CHEK2: variants seen among roughly 807,000 people sequenced by gnomAD.
CHEK2 encodes serine/threonine-protein kinase Chk2.
Under a neutral mutation model 69.1 loss-of-function variants are expected in CHEK2, and 71 were observed. The ratio of observed to expected loss-of-function variants is 1.03; its 90% CI spans 0.85 to 1.25. The LOEUF (loss-of-function observed/expected upper bound fraction) is 1.25. Ranked by LOEUF, CHEK2 falls within the 50% of genes most tolerant of loss-of-function variation. The pLI, the probability that CHEK2 is intolerant of heterozygous loss-of-function variation, is 0.00. For missense variants in CHEK2, 664 were observed against 649.6 expected, an observed-to-expected ratio of 1.02 and a Z score of -0.24; for synonymous variants, 189 against 226.9, an observed-to-expected ratio of 0.83 and a Z score of 1.50.
intron 8 of CHEK2, among the ~76,000 whole-genome samples, chr22:28,702,135 C>CTGTGTGTG (rs141703411): frequency 0.096 from 13,468 of 140,224 alleles, 730 homozygotes; most frequent in East Asian, 0.12. Flanking sequence ...GTGTGTGTGT[C>CTGTGTGTG]TGTGTGTGTG....
intron 5 of CHEK2, among the ~76,000 whole-genome samples, chr22:28,717,684 G>A (rs1410429183): frequency 6.6e-6 from 1 of 152,084 alleles, no homozygotes; most frequent in Non-Finnish European, 1.5e-5. Context: ...AGACCAGCCA[G>A]GCCAACATGG....
intron 10 of CHEK2, 48 bp downstream of exon 10, chr22:28,696,853 G>T: frequency 1.6e-6 from 2 of 1,266,366 alleles, no homozygotes; most frequent in South Asian, 1.2e-5. Flanking sequence ...AAAAGTTTCT[G>T]AACAAGAATC....
At chr22:28,705,814 T>G (rs982296597) in intron 7 of CHEK2, among the ~76,000 whole-genome samples, 3 of 151,440 alleles carry the variant, frequency 2.0e-5, no homozygotes, top group African/African-American at 7.3e-5. Context: ...TAATCCGAGC[T>G]ACTTGGGAGG....
chr22:28,731,724 T>G lies in CHEK2; in HGVS notation c.319+2679A>C, dbSNP rs867385825. 4.6e-5 allele frequency among the ~76,000 whole-genome samples: 7 copies of G among 152,262 alleles called. No individual in the cohort carries two copies. The Middle Eastern group carries it at 0.017, about 370-fold the overall frequency. On this transcript the variant is annotated intron_variant, in intron 2 of 14. Transcript: ENST00000404276. Reference sequence around the variant, plus strand: ...TTTCCTTTTTGTGGAGAATGGGGTCTCGCTATATTGCCCAGCAGGTCTCAA... The same window carrying G: ...TTTCCTTTTTGTGGAGAATGGGGTCGCGCTATATTGCCCAGCAGGTCTCAA...
At chr22:28,707,001 C>T (rs1307936171) in intron 7 of CHEK2, among the ~76,000 whole-genome samples, 1 of 152,150 alleles carries the variant, frequency 6.6e-6, no homozygotes, top group East Asian at 1.9e-4. Context: ...AAGGGAACTG[C>T]TTGGTTCTGG....
At chr22:28,699,655 C>A in intron 9 of CHEK2, 183 bp downstream of exon 9, 1 of 622,684 alleles carries the variant, frequency 1.6e-6, no homozygotes, top group South Asian at 1.8e-5. Context: ...AACCACCGCG[C>A]CTCGCCAGTG....
intron 13 of CHEK2, among the ~76,000 whole-genome samples, chr22:28,691,297 T>C (rs372031244): frequency 1.3e-5 from 2 of 152,018 alleles, no homozygotes; most frequent in African/African-American, 4.8e-5. Flanking sequence ...CTGACCAACA[T>C]GGTGAAACCC....
chr22:28,725,603 G>A (rs148236856), intron 2 of CHEK2, among the ~76,000 whole-genome samples: 9 of 152,304 alleles, frequency 5.9e-5, no homozygotes, highest in Admixed American at 3.9e-4. Context: ...GCTCACACCT[G>A]TAATCTCAGC....
At chr22:28,700,307 G>T (rs1251196303) in intron 8 of CHEK2, among the ~76,000 whole-genome samples, 1 of 151,568 alleles carries the variant, frequency 6.6e-6, no homozygotes, top group Non-Finnish European at 1.5e-5. Flanking sequence ...CGCTTCCCAG[G>T]TTCAAGTGAT....
chr22:28,738,014 T>G lies in CHEK2; in HGVS notation c.-6-3287A>C, dbSNP rs545068493. ...TGAGCCCAGGAATTCAAGACCAGCC[T>G]GGGCACCATGGTGAAATCCAGTATC... On this transcript the variant is annotated intron_variant, in intron 1 of 14. Coordinates refer to ENST00000404276, the MANE Select transcript of CHEK2 (RefSeq NM_007194.4). The G allele has an allele frequency of 9.0e-4, 137 of 152,396 alleles. 1 individual carries two copies. Among genetic ancestry groups the G allele is most frequent in the Middle Eastern group, 3.4e-3 (1 of 296 alleles). The allele number at this position is 152,396 out of a possible 1,614,324, so 9.4% of individuals were successfully genotyped here. A position where few individuals can be genotyped will look rare whatever the true frequency, so the allele number is the denominator to read the frequency against.
intron 7 of CHEK2, among the ~76,000 whole-genome samples, chr22:28,703,850 A>G (rs2052998184): frequency 6.6e-6 from 1 of 152,168 alleles, no homozygotes; most frequent in Non-Finnish European, 1.5e-5. Context: ...GTCTCTTCCC[A>G]GTCTTCTTCC....
rs398040472 is a variant in CHEK2, at chr22:28,698,228, TAAAA to T, written c.1009-1245_1009-1242del. Among the ~76,000 whole-genome samples the T allele has an allele frequency of 2.1e-4, 17 of 81,898 alleles. No individual in the cohort carries two copies. In the South Asian group the frequency reaches 0.011, roughly 52 times the overall value. The allele number at this position is 81,898 out of a possible 152,430, so 53.7% of individuals were successfully genotyped here. ...CAACATGGTGAAACCCTATCTTTAC[TAAAA>T]AAAAAAAAAAAAAAATTAGCTGGAC... On this transcript the variant is annotated intron_variant, in intron 9 of 14. Transcript: ENST00000404276.
At chr22:28,708,638 G>C (rs1280367696) in intron 7 of CHEK2, among the ~76,000 whole-genome samples, 1 of 152,016 alleles carries the variant, frequency 6.6e-6, no homozygotes. Flanking sequence ...TAGAAAAAGA[G>C]AGAAGAAACC....
intron 5 of CHEK2, among the ~76,000 whole-genome samples, chr22:28,714,935 G>A (rs1440442598): frequency 6.6e-6 from 1 of 152,168 alleles, no homozygotes; most frequent in Non-Finnish European, 1.5e-5. Context: ...AGTCCGTGCA[G>A]CTCTAGCTGG....
intron 4 of CHEK2, among the ~76,000 whole-genome samples, chr22:28,722,396 C>T (rs993779555): frequency 7.2e-5 from 11 of 151,756 alleles, no homozygotes; most frequent in East Asian, 1.9e-4. Context: ...AAAAATTAGC[C>T]GGGCGCAGTG....
Position 28,694,987 on chromosome 22 carries a change from C to G in CHEK2, c.1375+140G>C, listed in dbSNP as rs17886236. On this transcript the variant is annotated intron_variant, in intron 12 of 14. Transcript: ENST00000404276. ...ATGCTCTTAATAATTTCCAGTGCCT[C>G]TCAAATGGTGTGAAACTAACAATAG... 1,867 of 657,510 alleles carry G rather than the reference C, an allele frequency of 2.8e-3. 45 individuals carry two copies. The East Asian group carries it at 0.043, about 15-fold the overall frequency. 40.7% of individuals were successfully genotyped at this position (657,510 alleles called of 1,614,324 possible). A position where few individuals can be genotyped will look rare whatever the true frequency, so the allele number is the denominator to read the frequency against.
At chr22:28,724,404 G>A (rs1300042070) in intron 4 of CHEK2, among the ~76,000 whole-genome samples, 2 of 151,716 alleles carry the variant, frequency 1.3e-5, no homozygotes, top group East Asian at 1.9e-4. Flanking sequence ...GCAAGACTCC[G>A]TCTAAAAAAA....
chr22:28,711,193 T>C (rs2145942937), intron 6 of CHEK2, among the ~76,000 whole-genome samples: 1 of 152,286 alleles, frequency 6.6e-6, no homozygotes, highest in South Asian at 2.1e-4. Flanking sequence ...ATACAGTAAA[T>C]GTTGATTACA....
chr22:28,708,130 C>T (rs1389367201), intron 7 of CHEK2, among the ~76,000 whole-genome samples: 3 of 152,076 alleles, frequency 2.0e-5, no homozygotes, highest in Non-Finnish European at 2.9e-5. Flanking sequence ...TGAGCCACCG[C>T]GCCCACCGCA....
Sources: gnomAD v4.1 joint callset for allele counts (sites outside exome capture counted in the v4.1 genomes callset) on GRCh38, gnomAD v4.1.1 for gene constraint, MANE v1.5 for transcripts, NCBI Gene and HGNC (gene_info 2026-07-23, HGNC 2026-07-21) for gene names.